The following TSNARE1 variants were observed in gnomAD, a reference collection of about 807,000 sequenced individuals.
The protein encoded by TSNARE1 is t-SNARE domain-containing protein 1.
Under a neutral mutation model 62.0 loss-of-function variants are expected in TSNARE1, and 49 were observed. The observed-to-expected ratio is 0.79, with a 90% CI of 0.63 to 1.00. The LOEUF (loss-of-function observed/expected upper bound fraction) is 1.00. Ranked by LOEUF, TSNARE1 falls within the 50% of genes least tolerant of loss-of-function variation. TSNARE1 has a pLI of 0.00. For synonymous variants in TSNARE1, 328 were observed against 294.4 expected (o/e 1.11, Z -1.17); for missense variants, 755 against 700.1 (o/e 1.08, Z -0.88).
chr8:142,272,816 C>A (rs1293050320), intron 12 of TSNARE1: 3 of 983,910 alleles, frequency 3.0e-6, no homozygotes. Context: ...TGGGGAGGGC[C>A]CCTCGCAGGC....
intron 12 of TSNARE1, chr8:142,274,116 C>A: frequency 1.0e-6 from 1 of 985,438 alleles, no homozygotes; most frequent in Non-Finnish European, 1.2e-6. Context: ...GCCCCTGGGA[C>A]TCCTTGAGGA....
At chr8:142,300,792 C>T (rs1383327514) in intron 9 of TSNARE1, 148 bp from the exon 10 acceptor site, 2 of 772,356 alleles carry the variant, frequency 2.6e-6, no homozygotes, top group African/African-American at 3.4e-5. Context: ...CGGGGGCCTT[C>T]TGCGGCCACG....
intron 7 of TSNARE1, among the ~76,000 whole-genome samples, chr8:142,316,751 T>C (rs569529779): frequency 6.6e-6 from 1 of 151,950 alleles, no homozygotes; most frequent in South Asian, 2.1e-4. Context: ...AACCATACAC[T>C]GTGCGTTTTC....
At chr8:142,244,920 A>G (rs530526729) in intron 12 of TSNARE1, among the ~76,000 whole-genome samples, 2 of 152,330 alleles carry the variant, frequency 1.3e-5, no homozygotes, top group African/African-American at 4.8e-5. Flanking sequence ...GTAGACTCAG[A>G]GAGTGTTGGC....
rs529745033 is a variant in TSNARE1, at chr8:142,278,526, G to A, written c.1364-3663C>T. On this transcript the variant is annotated intron_variant, in intron 11 of 13. Coordinates refer to ENST00000524325, the MANE Select transcript of TSNARE1 (RefSeq NM_145003.5). ...GGGTGTGCCACCATATGCGGAGGAC[G>A]GCGAAGGAGCTCCTGGCACGGTGTC... The A allele has an allele frequency of 1.2e-5, 12 of 985,452 alleles. No homozygotes were observed. The East Asian group carries it at 5.7e-4, about 47-fold the overall frequency. 61.0% of individuals were successfully genotyped at this position (985,452 alleles called of 1,614,324 possible).
intron 10 of TSNARE1, among the ~76,000 whole-genome samples, chr8:142,292,389 T>C (rs962402308): frequency 6.6e-6 from 1 of 152,032 alleles, no homozygotes; most frequent in African/African-American, 2.4e-5. Flanking sequence ...CCCTTTCTCA[T>C]GGGAATTTTG....
chr8:142,278,365 T>C (rs1586970459), intron 11 of TSNARE1: 2 of 985,438 alleles, frequency 2.0e-6, no homozygotes, highest in Non-Finnish European at 2.4e-6. Flanking sequence ...GGCCAGCCCC[T>C]GCCTGTCCTG....
rs1369666058 is a variant in TSNARE1 at position 142,344,005 on chromosome 8, C to T, written c.706G>A (p.Ala236Thr). ...QVVAKTFSCQALPSEGFSLEP... is the reference protein window; with the variant it reads ...QVVAKTFSCQTLPSEGFSLEP... Reference sequence around the variant, plus strand: ...AGACTGAAGCCCTCGGAGGGCAGGGCCTGGCAAGAGAAGGTCTTGGCCACC... The same window carrying T: ...AGACTGAAGCCCTCGGAGGGCAGGGTCTGGCAAGAGAAGGTCTTGGCCACC... Residue 236 changes from alanine (A) to threonine (T), a missense_variant, in exon 4 of 14, where the codon GCC (alanine) becomes ACC (threonine). Transcript: ENST00000524325. 1.3e-6 allele frequency: 2 copies of T among 1,552,004 alleles called. No individual in the cohort carries two copies. Among genetic ancestry groups the T allele is most frequent in the Non-Finnish European group, 1.7e-6 (2 of 1,147,520 alleles).
At chr8:142,245,744 G>A (rs1817856539) in intron 12 of TSNARE1, among the ~76,000 whole-genome samples, 1 of 152,216 alleles carries the variant, frequency 6.6e-6, no homozygotes, top group African/African-American at 2.4e-5. Flanking sequence ...GATTAGGTTG[G>A]GGTGAGGGCA....
chr8:142,256,007 C>T (rs1312067912), intron 12 of TSNARE1, among the ~76,000 whole-genome samples: 3 of 97,204 alleles, frequency 3.1e-5, no homozygotes, highest in African/African-American at 1.2e-4. Context: ...ATCACCACCA[C>T]CATCACCATC....
At chr8:142,232,277 C>G (rs913323006) in intron 12 of TSNARE1, among the ~76,000 whole-genome samples, 2 of 152,362 alleles carry the variant, frequency 1.3e-5, no homozygotes, top group South Asian at 2.1e-4. Context: ...AGACCCCAGG[C>G]AGCTGACAGG....
chr8:142,380,008 G>A (rs1039189352), intron 1 of TSNARE1, among the ~76,000 whole-genome samples: 2 of 152,224 alleles, frequency 1.3e-5, no homozygotes, highest in African/African-American at 4.8e-5. Context: ...GAGAGGGCAG[G>A]AGAACATGTG....
At chr8:142,247,204 G>A (rs1032565758) in intron 12 of TSNARE1, among the ~76,000 whole-genome samples, 1 of 152,172 alleles carries the variant, frequency 6.6e-6, no homozygotes, top group Non-Finnish European at 1.5e-5. Flanking sequence ...CTGGAGAGTT[G>A]CAGGCACGAA....
chr8:142,235,342 G>A (rs867953444), intron 12 of TSNARE1, among the ~76,000 whole-genome samples: 3 of 151,940 alleles, frequency 2.0e-5, no homozygotes, highest in Admixed American at 6.6e-5. Context: ...CGCCCTCGTC[G>A]GGCCATGAGG....
intron 10 of TSNARE1, among the ~76,000 whole-genome samples, chr8:142,295,542 C>T (rs1168799416): frequency 6.6e-6 from 1 of 152,232 alleles, no homozygotes; most frequent in East Asian, 1.9e-4. Flanking sequence ...AAGACGGCTG[C>T]CCTGCGGCCA....
intron 11 of TSNARE1, chr8:142,278,317 C>A: frequency 3.0e-6 from 3 of 985,460 alleles, no homozygotes; most frequent in Non-Finnish European, 3.6e-6. Flanking sequence ...TGCCCCAGCG[C>A]TCCAAGTTCT....
chr8:142,389,042 A>AT (rs1837303129), intron 1 of TSNARE1, among the ~76,000 whole-genome samples: 1 of 152,244 alleles, frequency 6.6e-6, no homozygotes, highest in African/African-American at 2.4e-5. Context: ...TGGTGATGAC[A>AT]TAAAAACAGA....
intron 12 of TSNARE1, among the ~76,000 whole-genome samples, chr8:142,264,592 G>C (rs1457093290): frequency 6.6e-6 from 1 of 152,196 alleles, no homozygotes; most frequent in Non-Finnish European, 1.5e-5. Flanking sequence ...ATTTTATTAA[G>C]TGTAGAAGGG....
intron 12 of TSNARE1, among the ~76,000 whole-genome samples, chr8:142,268,570 C>T (rs1292085026): frequency 6.6e-6 from 1 of 152,230 alleles, no homozygotes; most frequent in Non-Finnish European, 1.5e-5. Flanking sequence ...ACGCTGCCTA[C>T]CCCAGCATCC....
Sources: allele counts gnomAD v4.1 joint callset (sites outside exome capture counted in the v4.1 genomes callset), GRCh38; gene constraint gnomAD v4.1.1; transcripts MANE v1.5; gene names NCBI Gene and HGNC (gene_info 2026-07-23, HGNC 2026-07-21).